The following UCHL3 variants were observed in gnomAD, a reference collection of about 807,000 sequenced individuals.
UCHL3 encodes the protein ubiquitin carboxyl-terminal hydrolase isozyme L3.
UCHL3 carries 22 observed loss-of-function variants against 35.8 expected under a neutral mutation model. The ratio of observed to expected loss-of-function variants is 0.61; its 90% CI spans 0.44 to 0.88. UCHL3 has a LOEUF of 0.88. Ranked by LOEUF, UCHL3 falls within the 40% of genes least tolerant of loss-of-function variation. The probability of loss-of-function intolerance (pLI) is 0.00; values close to 1 mark genes in which losing one functional copy is unlikely to be tolerated. For synonymous variants in UCHL3, 90 were observed against 92.8 expected, an observed-to-expected ratio of 0.97 and a Z score of 0.17; for missense variants, 229 against 276.9, an observed-to-expected ratio of 0.83 and a Z score of 1.23.
At chr13:75,597,565 A>G (rs1278142289) in intron 7 of UCHL3, among the ~76,000 whole-genome samples, 1 of 152,186 alleles carries the variant, frequency 6.6e-6, no homozygotes, top group African/African-American at 2.4e-5. Context: ...TAGCATTTAT[A>G]TTGTATTATG....
chr13:75,590,138 A>G lies in UCHL3; in HGVS notation c.475-4777A>G. 6.2e-6 allele frequency: 8 copies of G among 1,297,048 alleles called. No individual in the cohort carries two copies. In the South Asian group the frequency reaches 9.9e-5, roughly 16 times the overall value. 80.3% of individuals were successfully genotyped at this position (1,297,048 alleles called of 1,614,324 possible). On this transcript the variant is annotated intron_variant, in intron 6 of 8. Transcript: ENST00000377595. ...TGGGTCTCCATTCTGTTGTAAGTTT[A>G]GTCAATCTTCCGTCTCTTCTTCCAG... is the stretch of plus-strand genomic sequence containing the variant.
At chr13:75,560,286 C>T (rs1488362157) in intron 2 of UCHL3, among the ~76,000 whole-genome samples, 1 of 151,988 alleles carries the variant, frequency 6.6e-6, no homozygotes, top group African/African-American at 2.4e-5. Context: ...CCTTAAAAAC[C>T]AAGTGCTGGA....
chr13:75,575,715 C>G (rs1207286625), intron 6 of UCHL3, among the ~76,000 whole-genome samples: 1 of 152,148 alleles, frequency 6.6e-6, no homozygotes, highest in Non-Finnish European at 1.5e-5. Flanking sequence ...GTTCCTCTGT[C>G]CTCCTCCTGT....
At chr13:75,564,804 T>C (rs898948426) in intron 3 of UCHL3, among the ~76,000 whole-genome samples, 1 of 152,174 alleles carries the variant, frequency 6.6e-6, no homozygotes, top group Non-Finnish European at 1.5e-5. Context: ...CAAGCGATTC[T>C]CATGGCTCAG....
At chr13:75,564,586 G>T (rs916415818) in intron 3 of UCHL3, among the ~76,000 whole-genome samples, 8 of 152,048 alleles carry the variant, frequency 5.3e-5, no homozygotes, top group African/African-American at 1.9e-4. Context: ...TTTCATAATG[G>T]CTGTACCAAT....
Position 75,605,755 on chromosome 13 carries a change from T to G in UCHL3, c.636T>G (p.Phe212Leu). Residue 212 changes from phenylalanine to leucine, a missense_variant, in exon 9 of 9, where the codon TTT becomes TTG. Physicochemically the swap from Phe to Leu is conservative, Grantham distance 22 (BLOSUM62 0). Transcript: ENST00000377595. Reference sequence around the variant, plus strand: ...ATGCCATAGAAGTTTGCAAGAAGTTTATGGAGCGCGACCCTGATGAACTAA... The same window carrying G: ...ATGCCATAGAAGTTTGCAAGAAGTTGATGGAGCGCGACCCTGATGAACTAA... ...LEDAIEVCKK[F>L]MERDPDELRF... The G allele has an allele frequency of 1.2e-6, 2 of 1,614,050 alleles. No homozygotes were observed. Among genetic ancestry groups the G allele is most frequent in the Non-Finnish European group, 1.7e-6 (2 of 1,179,986 alleles).
intron 2 of UCHL3, among the ~76,000 whole-genome samples, chr13:75,550,430 GA>G (rs2031046692): frequency 1.3e-5 from 2 of 152,152 alleles, no homozygotes; most frequent in African/African-American, 4.8e-5. Context: ...CCTGCACTAT[GA>G]AATCATCTTC....
intron 5 of UCHL3, among the ~76,000 whole-genome samples, chr13:75,568,435 C>T (rs1434544071): frequency 1.3e-5 from 2 of 151,300 alleles, no homozygotes; most frequent in African/African-American, 2.4e-5. Context: ...AGTACTCTTA[C>T]TAATGAGAGG....
chr13:75,557,179 G>GCA (rs2031320568), intron 2 of UCHL3, among the ~76,000 whole-genome samples: 1 of 151,884 alleles, frequency 6.6e-6, no homozygotes, highest in South Asian at 2.1e-4. Flanking sequence ...TGTTGTCACT[G>GCA]CACTCCAGCC....
intron 2 of UCHL3, among the ~76,000 whole-genome samples, chr13:75,555,455 C>A (rs1393777662): frequency 6.6e-6 from 1 of 152,100 alleles, no homozygotes; most frequent in Non-Finnish European, 1.5e-5. Flanking sequence ...GCTCACGGGG[C>A]CATCAACAAA....
intron 6 of UCHL3, among the ~76,000 whole-genome samples, chr13:75,578,883 T>C (rs1461315014): frequency 6.6e-6 from 1 of 152,070 alleles, no homozygotes; most frequent in Non-Finnish European, 1.5e-5. Flanking sequence ...TGTGTATATT[T>C]TTAATTTAAG....
At chr13:75,591,352 C>T (rs1042611340) in intron 6 of UCHL3, among the ~76,000 whole-genome samples, 7 of 152,070 alleles carry the variant, frequency 4.6e-5, no homozygotes, top group Non-Finnish European at 1.0e-4. Flanking sequence ...TTTATTCGTT[C>T]ATCCATTTGA....
intron 6 of UCHL3, among the ~76,000 whole-genome samples, chr13:75,570,907 G>C (rs2031834238): frequency 6.6e-6 from 1 of 152,024 alleles, no homozygotes; most frequent in Admixed American, 6.6e-5. Flanking sequence ...GCAGGACCCT[G>C]TCTCTATAAA....
chr13:75,603,761 ATAAT>A (rs2138594000), intron 7 of UCHL3, among the ~76,000 whole-genome samples: 1 of 152,218 alleles, frequency 6.6e-6, no homozygotes, highest in Non-Finnish European at 1.5e-5. Context: ...AGAAATATGG[ATAAT>A]TAAGTGTTCA....
chr13:75,575,953 T>C (rs1273327765), intron 6 of UCHL3, among the ~76,000 whole-genome samples: 3 of 151,930 alleles, frequency 2.0e-5, no homozygotes, highest in Non-Finnish European at 4.4e-5. Flanking sequence ...GGTTTTGCCA[T>C]GTTGGCTAGG....
rs551496181 is a variant in UCHL3, at chr13:75,553,649, G to T, written c.54+3662G>T. Among the ~76,000 whole-genome samples, 26 of 152,174 alleles carry T rather than the reference G, an allele frequency of 1.7e-4. No individual in the cohort carries two copies. In the East Asian group the frequency reaches 4.4e-3, roughly 26 times the overall value. On this transcript the variant is annotated intron_variant, in intron 2 of 8. Coordinates refer to ENST00000377595, the MANE Select transcript of UCHL3 (RefSeq NM_006002.5). The stretch of plus-strand genomic sequence containing the variant: ...TCTTGCCCTAGTAATGTTTTCTGTT[G>T]TATAGTTCTAATACCATCAATTGTC...
intron 6 of UCHL3, among the ~76,000 whole-genome samples, chr13:75,588,392 C>T (rs1340151814): frequency 6.6e-6 from 1 of 151,980 alleles, no homozygotes; most frequent in African/African-American, 2.4e-5. Context: ...TTCTTCTTCC[C>T]CTATTCTTTC....
intron 6 of UCHL3, among the ~76,000 whole-genome samples, chr13:75,570,500 T>C (rs983262609): frequency 6.6e-6 from 1 of 152,224 alleles, no homozygotes; most frequent in Non-Finnish European, 1.5e-5. Flanking sequence ...CCTCCCATAG[T>C]GCTGGGATTA....
At chr13:75,581,247 T>A (rs1855002315) in intron 6 of UCHL3, among the ~76,000 whole-genome samples, 1 of 152,186 alleles carries the variant, frequency 6.6e-6, no homozygotes, top group Non-Finnish European at 1.5e-5. Context: ...AATGAGAAAA[T>A]GCTTTGGCTG....
Sources: allele counts gnomAD v4.1 joint callset (sites outside exome capture counted in the v4.1 genomes callset), GRCh38; gene constraint gnomAD v4.1.1; transcripts MANE v1.5; gene names NCBI Gene and HGNC (gene_info 2026-07-23, HGNC 2026-07-21).